Variants in PCDHGA5 observed in about 807,000 individuals in gnomAD.
PCDHGA5 encodes protocadherin gamma subfamily A, 5.
A neutral mutation model predicts 56.7 loss-of-function variants in PCDHGA5; 36 were observed. The ratio of observed to expected loss-of-function variants is 0.64; its 90% CI spans 0.49 to 0.84. The LOEUF (loss-of-function observed/expected upper bound fraction) is 0.84. PCDHGA5 is among the 40% of genes least tolerant of loss of function. PCDHGA5 has a pLI of 0.00. For synonymous variants in PCDHGA5, 563 were observed against 520.2 expected, an observed-to-expected ratio of 1.08 and a Z score of -1.12; for missense variants, 1,305 against 1,201.5, an observed-to-expected ratio of 1.09 and a Z score of -1.27.
intron 2 of PCDHGA5, among the ~76,000 whole-genome samples, chr5:141,498,404 C>T (rs1283586713): frequency 6.6e-6 from 1 of 152,104 alleles, no homozygotes; most frequent in African/African-American, 2.4e-5. Context: ...AGGGAGTTTT[C>T]TCTTTGCTGG....
intron 1 of PCDHGA5, chr5:141,419,005 C>G: frequency 6.2e-7 from 1 of 1,613,944 alleles, no homozygotes; most frequent in Non-Finnish European, 8.5e-7. Context: ...ATGGGGAAGT[C>G]AGGTGTAGCT....
rs1311776295 is a variant in PCDHGA5, at chr5:141,487,582, C to G, written c.2422-7225C>G. 1.2e-6 allele frequency: 2 copies of G among 1,614,088 alleles called. No homozygotes were observed. The highest frequency in any genetic ancestry group is 2.7e-5 in the African/African-American group (2 of 74,934). ...TGGCAGGGGAGCCTGTTCGCCCAAG[C>G]TGCCCACCCTCTGATCTTCTCTATG... is the stretch of plus-strand genomic sequence containing the variant. On this transcript the variant is annotated intron_variant, in intron 1 of 3. Transcript: ENST00000518069. The surrounding 1 kb of genome is among the most constrained non-coding windows in gnomAD (Gnocchi z 5.0).
intron 2 of PCDHGA5, among the ~76,000 whole-genome samples, chr5:141,504,036 G>T (rs1472706342): frequency 6.6e-6 from 1 of 152,080 alleles, no homozygotes; most frequent in African/African-American, 2.4e-5. Flanking sequence ...ACTCATTTAG[G>T]CAACAAATAT....
intron 3 of PCDHGA5, among the ~76,000 whole-genome samples, chr5:141,510,204 C>T (rs1403130911): frequency 1.3e-5 from 2 of 150,304 alleles, no homozygotes; most frequent in Admixed American, 1.3e-4. Flanking sequence ...GCCCAGGAGG[C>T]AGAGGTTGCA....
At chr5:141,423,471 G>A in intron 1 of PCDHGA5, 1 of 1,614,052 alleles carries the variant, frequency 6.2e-7, no homozygotes, top group South Asian at 1.1e-5. Context: ...ACGGGGTACA[G>A]GCTTTCCTGC....
chr5:141,420,047 G>T lies in PCDHGA5; in HGVS notation c.2421+53296G>T. ...TACTGCAGGAGACTGCTTTGAGTCA[G>T]TTCTCTGCTCCAAGTCCGGACCTGT... On this transcript the variant is annotated intron_variant, in intron 1 of 3. Coordinates refer to ENST00000518069, the MANE Select transcript of PCDHGA5 (RefSeq NM_018918.3). 3 of 1,614,076 alleles carry T rather than the reference G, an allele frequency of 1.9e-6. No individual in the cohort carries two copies. The South Asian group carries it at 3.3e-5, about 18-fold the overall frequency.
At chr5:141,449,933 G>A (rs1012332454) in intron 1 of PCDHGA5, among the ~76,000 whole-genome samples, 1 of 149,752 alleles carries the variant, frequency 6.7e-6, no homozygotes, top group African/African-American at 2.5e-5. Flanking sequence ...ATACCTTATA[G>A]TATATTTTAC....
intron 1 of PCDHGA5, chr5:141,400,525 G>T: frequency 1.2e-6 from 2 of 1,613,908 alleles, no homozygotes; most frequent in Non-Finnish European, 1.7e-6. Flanking sequence ...TCCTGAGTTG[G>T]TGAGTTTCAT....
At chr5:141,393,183 A>T in intron 1 of PCDHGA5, 1 of 1,613,370 alleles carries the variant, frequency 6.2e-7, no homozygotes, top group Non-Finnish European at 8.5e-7. Context: ...AATAGAAATA[A>T]TTGATATTAA....
chr5:141,491,479 C>T lies in PCDHGA5; in HGVS notation c.2422-3328C>T. On this transcript the variant is annotated intron_variant, in intron 1 of 3. Transcript: ENST00000518069. The surrounding 1 kb of genome is among the most constrained non-coding windows in gnomAD (Gnocchi z 6.9). ...CCCGGACTTCTATAAGCAGTCCAGCCCCAACCTGCAGGTGAGCTCGGACGG... is the reference window on the plus strand; with the variant it reads ...CCCGGACTTCTATAAGCAGTCCAGCTCCAACCTGCAGGTGAGCTCGGACGG... 1 of 1,614,144 alleles carries T rather than the reference C, an allele frequency of 6.2e-7. No homozygotes were observed. Among genetic ancestry groups the T allele is most frequent in the Non-Finnish European group, 8.5e-7 (1 of 1,180,024 alleles).
chr5:141,453,318 AG>A (rs1299190594), intron 1 of PCDHGA5, among the ~76,000 whole-genome samples: 2 of 151,458 alleles, frequency 1.3e-5, no homozygotes, highest in Non-Finnish European at 2.9e-5. Context: ...TTTATTTTAG[AG>A]ATGGGGTCTC....
In PCDHGA5 at chr5:141,364,555, TG is replaced by T; in HGVS notation, c.226del (p.Ala76ProfsTer2). ...TCTCCAGAGGTAGGACGCAGCTTTT[TG>T]CCCTGAACCCGCGAAGCGGCAGCTT... is the stretch of plus-strand genomic sequence containing the variant. ...IVSRGRTQLFALNPRSGSLVT... is the reference protein window; with the variant it reads ...IVSRGRTQLFXLNPRSGSLVT... On this transcript the variant is annotated frameshift_variant, in exon 1 of 4. Transcript: ENST00000518069. LOFTEE classifies it high-confidence loss of function. The T allele has an allele frequency of 6.2e-7, 1 of 1,614,108 alleles. No homozygotes were observed. Among genetic ancestry groups the T allele is most frequent in the Non-Finnish European group, 8.5e-7 (1 of 1,179,962 alleles).
chr5:141,457,020 C>A (rs2098903789), intron 1 of PCDHGA5, among the ~76,000 whole-genome samples: 1 of 152,086 alleles, frequency 6.6e-6, no homozygotes, highest in Non-Finnish European at 1.5e-5. Flanking sequence ...AATAAAAAGT[C>A]CTAGTAGACT....
chr5:141,477,219 G>A lies in PCDHGA5; in HGVS notation c.2422-17588G>A. ...CCAGTACCCGAGGATGCCCCTCTGG[G>A]GACTGTCATCGCTTTGCTCAGTGTG... On this transcript the variant is annotated intron_variant, in intron 1 of 3. Coordinates refer to ENST00000518069, the MANE Select transcript of PCDHGA5 (RefSeq NM_018918.3). The surrounding 1 kb of genome is among the most constrained non-coding windows in gnomAD (Gnocchi z 4.9). 1 of 1,614,162 alleles carries A rather than the reference G, an allele frequency of 6.2e-7. No homozygotes were observed. The highest frequency in any genetic ancestry group is 8.5e-7 in the Non-Finnish European group (1 of 1,180,038).
At chr5:141,453,989 A>T (rs902043628) in intron 1 of PCDHGA5, among the ~76,000 whole-genome samples, 6 of 152,256 alleles carry the variant, frequency 3.9e-5, no homozygotes, top group African/African-American at 1.4e-4. Context: ...CCTTCCAGTG[A>T]TAAACCCACA....
intron 1 of PCDHGA5, chr5:141,441,674 CT>C: frequency 3.4e-6 from 1 of 293,692 alleles, no homozygotes; most frequent in Non-Finnish European, 6.7e-6. Flanking sequence ...CACAGTGCGC[CT>C]TCGACCAAGA....
rs376996144 is a variant in PCDHGA5, at chr5:141,491,534, G to C, written c.2422-3273G>C. 3.7e-6 allele frequency: 6 copies of C among 1,613,912 alleles called. No homozygotes were observed. The highest frequency in any genetic ancestry group is 1.3e-5 in the African/African-American group (1 of 74,928). ...CTCAAGTACATGGAGGTGACGCTGC[G>C]GCCCACAGACTCGCAGAGCCACTGC... On this transcript the variant is annotated intron_variant, in intron 1 of 3. Coordinates refer to ENST00000518069, the MANE Select transcript of PCDHGA5 (RefSeq NM_018918.3). This position sits in a 1 kb window ranked among gnomAD's most constrained non-coding sequence, Gnocchi z 6.9.
At chr5:141,385,423 A>G in intron 1 of PCDHGA5, 4 of 1,462,490 alleles carry the variant, frequency 2.7e-6, no homozygotes, top group Non-Finnish European at 3.6e-6. Context: ...GATTTAAAAA[A>G]CTTTATAGAG....
chr5:141,384,300 A>G, intron 1 of PCDHGA5: 1 of 1,613,776 alleles, frequency 6.2e-7, no homozygotes, highest in South Asian at 1.1e-5. Context: ...ACAACCCCAG[A>G]GGGGCCTCCA....
Sources: allele counts gnomAD v4.1 joint callset (sites outside exome capture counted in the v4.1 genomes callset), GRCh38; gene constraint gnomAD v4.1.1; non-coding constraint Gnocchi (gnomAD v3.1); transcripts MANE v1.5; gene names NCBI Gene and HGNC (gene_info 2026-07-23, HGNC 2026-07-21).